RLIM: variants seen among roughly 807,000 people sequenced by gnomAD.
RLIM encodes the protein E3 ubiquitin-protein ligase RLIM.
In RLIM, 2 loss-of-function variants were observed where a neutral mutation model predicts 34.0. That is an observed-to-expected ratio of 0.06 (90% CI 0.02 to 0.19). The LOEUF is 0.19. RLIM is among the 10% of genes least tolerant of loss of function. RLIM has a pLI of 1.00. For synonymous variants in RLIM, 169 were observed against 164.0 expected (o/e 1.03, Z -0.23); for missense variants, 286 against 479.7 (o/e 0.60, Z 3.77).
At chrX:74,599,273 T>C (rs2079651841) in intron 1 of RLIM, among the ~76,000 whole-genome samples, 1 of 111,950 alleles carries the variant, frequency 8.9e-6, no homozygotes, top group African/African-American at 3.2e-5. Flanking sequence ...AACCAGAATA[T>C]TGGCAGACAT....
chrX:74,612,547 T>C (rs936409208), intron 1 of RLIM: 2 of 111,507 alleles, frequency 1.8e-5, no homozygotes, highest in Non-Finnish European at 3.8e-5. Context: ...ATTCTACACA[T>C]AAATCATCAG....
At position 74,582,988 on chromosome X, in the gene RLIM, CT is replaced by C. The variant is rs1251625456; in HGVS notation, c.*8451del. On this transcript the variant is annotated 3_prime_UTR_variant, in exon 4 of 4. Coordinates refer to ENST00000332687, the MANE Select transcript of RLIM (RefSeq NM_016120.4). ...TCGGTACATACGGTTCAGTTTCCTT[CT>C]TTTATATTTTGATATTTTTTTCCAT... 6 of 534,345 alleles carry C rather than the reference CT, an allele frequency of 1.1e-5. No individual in the cohort carries two copies. The highest frequency in any genetic ancestry group is 2.9e-5 in the Admixed American group (1 of 34,342). 44.0% of individuals were successfully genotyped at this position (534,345 alleles called of 1,213,427 possible).
At chrX:74,606,925 CG>C (rs1569313085) in intron 1 of RLIM, among the ~76,000 whole-genome samples, 1 of 110,553 alleles carries the variant, frequency 9.0e-6, no homozygotes, top group Non-Finnish European at 1.9e-5. Context: ...CGCTTGAGCC[CG>C]GGAGTTCAAA....
intron 1 of RLIM, among the ~76,000 whole-genome samples, chrX:74,603,290 T>G (rs1025216405): frequency 2.7e-5 from 3 of 110,442 alleles, no homozygotes; most frequent in Admixed American, 1.9e-4. Flanking sequence ...ACATACCTTG[T>G]GCTTTACCAC....
chrX:74,583,054 A>G lies in RLIM; in HGVS notation c.*8386T>C. ...ATGTTTAGATATTTTTCTTTGGTGA[A>G]GCACAAGTTTCTTTTCGTGGTCCCT... On this transcript the variant is annotated 3_prime_UTR_variant, in exon 4 of 4. Coordinates refer to ENST00000332687, the MANE Select transcript of RLIM (RefSeq NM_016120.4). The G allele has an allele frequency of 1.1e-6, 1 of 910,699 alleles. No individual in the cohort carries two copies. The highest frequency in any genetic ancestry group is 1.6e-6 in the Non-Finnish European group (1 of 626,780). The allele number at this position is 910,699 out of a possible 1,213,427, so 75.1% of individuals were successfully genotyped here.
At chrX:74,597,796 A>T (rs948521877) in intron 1 of RLIM, among the ~76,000 whole-genome samples, 2 of 112,020 alleles carry the variant, frequency 1.8e-5, no homozygotes, top group Non-Finnish European at 3.8e-5. Flanking sequence ...AGTTCCATGA[A>T]TTTTTGTCAG....
rs1345204817 is a variant in RLIM, at chrX:74,584,819, T to C, written c.*6621A>G. On this transcript the variant is annotated 3_prime_UTR_variant, in exon 4 of 4. Coordinates refer to ENST00000332687, the MANE Select transcript of RLIM (RefSeq NM_016120.4). ...ATTGTCTAGAGCACTAACTTTTTGA[T>C]GGTGGTATTGAGTTTCAAATAATAA... Among the ~76,000 whole-genome samples, 1 of 112,008 alleles carries C rather than the reference T, an allele frequency of 8.9e-6. No homozygotes were observed. The highest frequency in any genetic ancestry group is 1.9e-5 in the Non-Finnish European group (1 of 53,259).
intron 3 of RLIM, among the ~76,000 whole-genome samples, chrX:74,593,786 TTC>T (rs2079627416): frequency 8.9e-6 from 1 of 112,176 alleles, no homozygotes; most frequent in African/African-American, 3.2e-5. Flanking sequence ...AGAGCAGGAT[TTC>T]TCAACAGTGG....
chrX:74,596,549 G>A (rs1162638951), intron 1 of RLIM, among the ~76,000 whole-genome samples: 1 of 111,965 alleles, frequency 8.9e-6, no homozygotes, highest in Non-Finnish European at 1.9e-5. Flanking sequence ...ACCCAGCCTC[G>A]TGCTGCATAT....
chrX:74,601,831 T>G (rs2079662791), intron 1 of RLIM, among the ~76,000 whole-genome samples: 1 of 111,649 alleles, frequency 9.0e-6, no homozygotes, highest in African/African-American at 3.3e-5. Context: ...AAATACAGAT[T>G]CTGATTCAGT....
rs1362936301 is a variant in RLIM, at chrX:74,588,887, A to G, written c.*2553T>C. The G allele has an allele frequency of 1.8e-5, 2 of 112,213 alleles. No homozygotes were observed. Among genetic ancestry groups the G allele is most frequent in the Non-Finnish European group, 3.8e-5 (2 of 53,273 alleles). 9.2% of individuals were successfully genotyped at this position (112,213 alleles called of 1,213,427 possible). On this transcript the variant is annotated 3_prime_UTR_variant, in exon 4 of 4. Coordinates refer to ENST00000332687, the MANE Select transcript of RLIM (RefSeq NM_016120.4). ...TCCACAACACTAGTAAGCATGTAAT[A>G]ATCACGGACATCGCAAGATTAAAAA...
chrX:74,600,363 C>A (rs2079656233), intron 1 of RLIM, among the ~76,000 whole-genome samples: 1 of 110,056 alleles, frequency 9.1e-6, no homozygotes, highest in African/African-American at 3.3e-5. Flanking sequence ...TCAAGTAATA[C>A]AACTTGGTAT....
At chrX:74,605,393 C>T (rs1341853400) in intron 1 of RLIM, among the ~76,000 whole-genome samples, 1 of 112,238 alleles carries the variant, frequency 8.9e-6, no homozygotes, top group Non-Finnish European at 1.9e-5. Context: ...GAAAACCATA[C>T]TCCAAATGAT....
Position 74,589,117 on chromosome X carries a change from T to TTACTTTAA in RLIM, c.*2315_*2322dup, listed in dbSNP as rs1262696636. ...GCCAGCATTCTGCTTGAGTTACCTC[T>TTACTTTAA]TACTTTAATACTTCACAAATGAGTA... On this transcript the variant is annotated 3_prime_UTR_variant, in exon 4 of 4. Coordinates refer to ENST00000332687, the MANE Select transcript of RLIM (RefSeq NM_016120.4). The TTACTTTAA allele has an allele frequency of 3.6e-5, 4 of 111,979 alleles. No individual in the cohort carries two copies. The highest frequency in any genetic ancestry group is 1.3e-4 in the African/African-American group (4 of 30,881). 9.2% of individuals were successfully genotyped at this position (111,979 alleles called of 1,213,427 possible).
Position 74,602,833 on chromosome X carries a change from A to C in RLIM, c.-23-6833T>G, listed in dbSNP as rs181870420. On this transcript the variant is annotated intron_variant, in intron 1 of 3. Coordinates refer to ENST00000332687, the MANE Select transcript of RLIM (RefSeq NM_016120.4). ...ACCTGGAGGTAGTTAGCCTGGAGAA[A>C]GACTAAAAATGGACACAATTACCAT... is the stretch of plus-strand genomic sequence containing the variant. Among the ~76,000 whole-genome samples, 344 of 111,407 alleles carry C rather than the reference A, an allele frequency of 3.1e-3. 2 individuals carry two copies. The highest frequency in any genetic ancestry group is 0.011 in the African/African-American group (326 of 30,637).
At chrX:74,598,113 T>C (rs1036365004) in intron 1 of RLIM, among the ~76,000 whole-genome samples, 4 of 112,179 alleles carry the variant, frequency 3.6e-5, no homozygotes, top group Non-Finnish European at 5.6e-5. Flanking sequence ...ATACTTCATG[T>C]CCTGACAAAG....
intron 2 of RLIM, among the ~76,000 whole-genome samples, chrX:74,595,128 C>T (rs2079634714): frequency 9.0e-6 from 1 of 111,348 alleles, no homozygotes; most frequent in Non-Finnish European, 1.9e-5. Context: ...ACAGACTGAG[C>T]GACAGACTGG....
intron 1 of RLIM, among the ~76,000 whole-genome samples, chrX:74,600,991 C>T (rs991010248): frequency 1.8e-5 from 2 of 109,715 alleles, no homozygotes; most frequent in South Asian, 7.9e-4. Context: ...GCCACTGCAC[C>T]CCAGCCTGGG....
At chrX:74,605,930 T>G (rs1403221495) in intron 1 of RLIM, among the ~76,000 whole-genome samples, 1 of 111,948 alleles carries the variant, frequency 8.9e-6, no homozygotes, top group Non-Finnish European at 1.9e-5. Flanking sequence ...GGCCAGTAAT[T>G]AAATCCAGGT....
Sources: allele counts gnomAD v4.1 joint callset (sites outside exome capture counted in the v4.1 genomes callset), GRCh38; gene constraint gnomAD v4.1.1; transcripts MANE v1.5; gene names NCBI Gene and HGNC (gene_info 2026-07-23, HGNC 2026-07-21).